LRRIQ4: variants seen among roughly 807,000 people sequenced by gnomAD.
LRRIQ4 encodes leucine-rich repeat and IQ domain-containing protein 4.
A neutral mutation model predicts 40.1 loss-of-function variants in LRRIQ4; 21 were observed. That is an observed-to-expected ratio of 0.52 (90% CI 0.37 to 0.75). The LOEUF is 0.75. Among genes scored for constraint, LRRIQ4 ranks in the 30% least tolerant of loss-of-function variants. LRRIQ4 has a pLI of 0.00. For synonymous variants in LRRIQ4, 277 were observed against 277.1 expected (o/e 1.00, Z 0.00); for missense variants, 655 against 660.0 (o/e 0.99, Z 0.08).
intron 4 of LRRIQ4, among the ~76,000 whole-genome samples, chr3:169,831,299 A>G (rs1481916091): frequency 9.7e-6 from 1 of 102,688 alleles, no homozygotes; most frequent in African/African-American, 3.9e-5. Flanking sequence ...TTTAAGACAG[A>G]GTCTCGCTCT....
intron 1 of LRRIQ4, among the ~76,000 whole-genome samples, chr3:169,821,148 GTGTTTTTGTTGT>G (rs1779877891): frequency 6.6e-6 from 1 of 152,180 alleles, no homozygotes; most frequent in African/African-American, 2.4e-5. Context: ...CTAGAATATA[GTGTTTTTGTTGT>G]TGTTTTTGTT....
chr3:169,830,436 G>A (rs546470452), intron 3 of LRRIQ4, 56 bp from the exon 4 acceptor site: 3 of 742,698 alleles, frequency 4.0e-6, no homozygotes, highest in Non-Finnish European at 5.7e-6. Flanking sequence ...GGTGATTCTG[G>A]TTATTATAAT....
Position 169,812,935 on chromosome 3 carries a change from G to A in LRRIQ4, c.-143G>A. On this transcript the variant is annotated 5_prime_UTR_variant, in exon 1 of 6. Coordinates refer to ENST00000340806, the MANE Select transcript of LRRIQ4 (RefSeq NM_001080460.3). This position sits in a 1 kb window ranked among gnomAD's most constrained non-coding sequence, Gnocchi z 4.3. ...GCTTTGGGAGCATAAAGGGTTTTGTGCTCCCAAAGGGCGGGGCCACCAGGG... is the reference window on the plus strand; with the variant it reads ...GCTTTGGGAGCATAAAGGGTTTTGTACTCCCAAAGGGCGGGGCCACCAGGG... 1 of 181,106 alleles carries A rather than the reference G, an allele frequency of 5.5e-6. No homozygotes were observed. The highest frequency in any genetic ancestry group is 1.1e-5 in the Non-Finnish European group (1 of 87,190). 11.2% of individuals were successfully genotyped at this position (181,106 alleles called of 1,614,324 possible).
At chr3:169,821,587 C>T (rs1037122316) in intron 1 of LRRIQ4, among the ~76,000 whole-genome samples, 12 of 151,998 alleles carry the variant, frequency 7.9e-5, no homozygotes, top group Non-Finnish European at 1.5e-4. Context: ...TTGTAGTAAG[C>T]CGAGATCACA....
In LRRIQ4 at chr3:169,831,509, A is replaced by G. The variant is rs536734673; in HGVS notation, c.1333+879A>G. Among the ~76,000 whole-genome samples, 134 of 108,398 alleles carry G rather than the reference A, an allele frequency of 1.2e-3. No homozygotes were observed. In the Middle Eastern group the frequency reaches 0.024, roughly 20 times the overall value. The allele number at this position is 108,398 out of a possible 152,430, so 71.1% of individuals were successfully genotyped here. ...AGTAGAGACGGGGTTTCACTGTGTT[A>G]GCCAGGATGGTCTTGATCTCCTGAC... On this transcript the variant is annotated intron_variant, in intron 4 of 5. Coordinates refer to ENST00000340806, the MANE Select transcript of LRRIQ4 (RefSeq NM_001080460.3).
intron 1 of LRRIQ4, among the ~76,000 whole-genome samples, chr3:169,818,825 T>C (rs1779815562): frequency 6.6e-6 from 1 of 152,336 alleles, no homozygotes; most frequent in Non-Finnish European, 1.5e-5. Flanking sequence ...AATCTTGAAA[T>C]TCTTTTAACT....
intron 5 of LRRIQ4, among the ~76,000 whole-genome samples, chr3:169,835,447 G>A (rs1240502932): frequency 6.6e-6 from 1 of 151,138 alleles, no homozygotes; most frequent in African/African-American, 2.4e-5. Context: ...ATTCAGGTGG[G>A]TGCAAGCTGT....
Position 169,833,075 on chromosome 3 carries a change from G to A in LRRIQ4, c.1422G>A (p.Leu474=), listed in dbSNP as rs750192785. Reference sequence around the variant, plus strand: ...TAGTGAATCTTAAGGTTCTGACACTGATGGACAATCCCATGGAAGAACCCC... The same window carrying A: ...TAGTGAATCTTAAGGTTCTGACACTAATGGACAATCCCATGGAAGAACCCC... ...DSLVNLKVLT[L]MDNPMEEPPK... Residue 474 remains leucine, a synonymous_variant, in exon 5 of 6, where the codon CTG becomes CTA. Coordinates refer to ENST00000340806, the MANE Select transcript of LRRIQ4 (RefSeq NM_001080460.3). 6.2e-7 allele frequency: 1 copy of A among 1,613,966 alleles called. No homozygotes were observed. Among genetic ancestry groups the A allele is most frequent in the South Asian group, 1.1e-5 (1 of 91,080 alleles).
rs200050948 is a variant in LRRIQ4, at chr3:169,822,317, A to G, written c.396A>G (p.Glu132=). 6.2e-6 allele frequency: 10 copies of G among 1,613,852 alleles called. No homozygotes were observed. In the East Asian group the frequency reaches 2.2e-4, roughly 36 times the overall value. The change falls in exon 2 of 6, where the codon GAA becomes GAG. Residue 132 remains glutamate, a synonymous_variant. Transcript: ENST00000340806. ...ELRLYQTDLK[E]IPVVIFKNLH... is the part of the protein sequence containing the mutation. The stretch of plus-strand genomic sequence containing the variant: ...GGCTCTACCAGACCGACCTGAAGGA[A>G]ATTCCCGTCGTCATCTTTAAAAACC...
chr3:169,833,084 T>C lies in LRRIQ4; in HGVS notation c.1431T>C (p.Asn477=). Reference sequence around the variant, plus strand: ...TTAAGGTTCTGACACTGATGGACAATCCCATGGAAGAACCCCCAAAAGAAG... The same window carrying C: ...TTAAGGTTCTGACACTGATGGACAACCCCATGGAAGAACCCCCAAAAGAAG... ...VNLKVLTLMD[N]PMEEPPKEVC... Residue 477 remains asparagine (N), a synonymous_variant, in exon 5 of 6, where the codon AAT becomes AAC. Transcript: ENST00000340806. The C allele has an allele frequency of 6.2e-7, 1 of 1,613,778 alleles. No individual in the cohort carries two copies. Among genetic ancestry groups the C allele is most frequent in the Non-Finnish European group, 8.5e-7 (1 of 1,179,812 alleles).
chr3:169,816,166 G>A (rs62293399), intron 1 of LRRIQ4, among the ~76,000 whole-genome samples: 1 of 152,092 alleles, frequency 6.6e-6, no homozygotes, highest in East Asian at 1.9e-4. Flanking sequence ...GGGTAATACT[G>A]GCCTCATAGA....
intron 2 of LRRIQ4, among the ~76,000 whole-genome samples, chr3:169,825,639 A>C (rs1049766887): frequency 2.0e-5 from 3 of 152,226 alleles, no homozygotes; most frequent in African/African-American, 7.2e-5. Context: ...AATAATACCT[A>C]ATCCTTTTCT....
chr3:169,830,307 T>C (rs916904027), intron 3 of LRRIQ4, among the ~76,000 whole-genome samples, 185 bp from the exon 4 acceptor site: 15 of 145,558 alleles, frequency 1.0e-4, no homozygotes, highest in Middle Eastern at 3.7e-3. Context: ...AAAATAATTT[T>C]GGGTCTTGAT....
intron 4 of LRRIQ4, among the ~76,000 whole-genome samples, chr3:169,832,417 G>A (rs1033209630): frequency 7.7e-4 from 116 of 150,934 alleles, no homozygotes; most frequent in African/African-American, 2.8e-3. Context: ...GCACTGAACC[G>A]AGATGGCGCC....
intron 1 of LRRIQ4, among the ~76,000 whole-genome samples, chr3:169,815,721 C>G (rs1352687610): frequency 6.6e-6 from 1 of 152,248 alleles, no homozygotes; most frequent in Non-Finnish European, 1.5e-5. Context: ...TGTTCCAGAT[C>G]TTAGAGAAAA....
At chr3:169,813,984 G>GC (rs1377056075) in intron 1 of LRRIQ4, among the ~76,000 whole-genome samples, 1 of 152,140 alleles carries the variant, frequency 6.6e-6, no homozygotes, top group African/African-American at 2.4e-5. Flanking sequence ...CTGAAGCAAA[G>GC]CCCCAGTAGG....
At position 169,830,617 on chromosome 3, in the gene LRRIQ4, T is replaced by C. The variant is rs765382832; in HGVS notation, c.1320T>C (p.Ile440=). The C allele has an allele frequency of 1.4e-5, 22 of 1,613,780 alleles. No individual in the cohort carries two copies. Among genetic ancestry groups the C allele is most frequent in the Non-Finnish European group, 1.8e-5 (21 of 1,179,872 alleles). Residue 440 remains isoleucine (I), a synonymous_variant, in exon 4 of 6, where the codon ATT becomes ATC. Transcript: ENST00000340806. ...HNLLKQLPDA[I]CQAQALKELR... is the part of the protein sequence containing the mutation. ...TGCTTAAGCAACTTCCAGATGCCAT[T>C]TGCCAAGCACAAGGTGAGGAAACTT...
chr3:169,826,637 C>T (rs1407720665), intron 2 of LRRIQ4, among the ~76,000 whole-genome samples: 1 of 152,048 alleles, frequency 6.6e-6, no homozygotes, highest in African/African-American at 2.4e-5. Flanking sequence ...AAAAGCTAAG[C>T]TTTTATGAGT....
At chr3:169,836,831 C>A (rs1295989200) in intron 5 of LRRIQ4, among the ~76,000 whole-genome samples, 2 of 152,108 alleles carry the variant, frequency 1.3e-5, no homozygotes, top group African/African-American at 4.8e-5. Flanking sequence ...GGGAGGAGGC[C>A]CGCATGGCTG....
Sources: allele counts gnomAD v4.1 joint callset (sites outside exome capture counted in the v4.1 genomes callset), GRCh38; gene constraint gnomAD v4.1.1; non-coding constraint Gnocchi (gnomAD v3.1); transcripts MANE v1.5; gene names NCBI Gene and HGNC (gene_info 2026-07-23, HGNC 2026-07-21).